Variants in UBE3A observed in about 807,000 individuals in gnomAD.
UBE3A encodes the protein ubiquitin protein ligase E3A.
UBE3A carries 6 observed loss-of-function variants against 83.4 expected under a neutral mutation model. The observed-to-expected ratio is 0.07, with a 90% confidence interval of 0.04 to 0.14. The LOEUF is 0.14. Ranked by LOEUF, UBE3A falls within the 10% of genes least tolerant of loss-of-function variation. The pLI is 1.00. For synonymous variants in UBE3A, 337 were observed against 355.4 expected, an observed-to-expected ratio of 0.95 and a Z score of 0.58; for missense variants, 456 against 1,036.1, an observed-to-expected ratio of 0.44 and a Z score of 7.69.
intron 4 of UBE3A, among the ~76,000 whole-genome samples, chr15:25,376,280 A>T (rs2081204560): frequency 6.6e-6 from 1 of 152,234 alleles, no homozygotes; most frequent in South Asian, 2.1e-4. Flanking sequence ...TTTCCCAATT[A>T]TCAACAACAT....
intron 1 of UBE3A, among the ~76,000 whole-genome samples, chr15:25,421,170 C>T (rs142138895): frequency 5.9e-5 from 9 of 152,226 alleles, no homozygotes; most frequent in African/African-American, 9.6e-5. Flanking sequence ...AGAGTGAGTT[C>T]GCAGATGTGG....
At chr15:25,369,274 T>A (rs994916440) in intron 6 of UBE3A, among the ~76,000 whole-genome samples, 1 of 151,756 alleles carries the variant, frequency 6.6e-6, no homozygotes, top group African/African-American at 2.4e-5. Flanking sequence ...AGCCCCCTTT[T>A]GTCTCTGCTA....
chr15:25,367,231 G>T (rs1304347127), intron 6 of UBE3A, among the ~76,000 whole-genome samples: 1 of 75,088 alleles, frequency 1.3e-5, no homozygotes, highest in Admixed American at 1.1e-4. Context: ...TTACATATTT[G>T]TAAATATGTA....
At chr15:25,426,827 A>ATT (rs35386735) in intron 1 of UBE3A, among the ~76,000 whole-genome samples, 13 of 147,478 alleles carry the variant, frequency 8.8e-5, no homozygotes, top group Middle Eastern at 3.4e-3. Flanking sequence ...GCTGGTTATA[A>ATT]TTTTTTTTTT....
intron 1 of UBE3A, among the ~76,000 whole-genome samples, chr15:25,423,635 C>T (rs1890464956): frequency 6.6e-6 from 1 of 152,050 alleles, no homozygotes; most frequent in South Asian, 2.1e-4. Flanking sequence ...TTCATTAAGG[C>T]CTAATTTATT....
At chr15:25,339,540 ATCTT>A in intron 12 of UBE3A, 1 of 305,778 alleles carries the variant, frequency 3.3e-6, no homozygotes, top group Admixed American at 4.7e-5. Flanking sequence ...ATTTAACTAA[ATCTT>A]TCCACAACAA....
intron 11 of UBE3A, among the ~76,000 whole-genome samples, chr15:25,352,479 G>T (rs1302313561): frequency 1.3e-5 from 2 of 152,178 alleles, no homozygotes; most frequent in African/African-American, 4.8e-5. Context: ...TTATACTGTA[G>T]TCAAGTGTGT....
intron 4 of UBE3A, among the ~76,000 whole-genome samples, chr15:25,380,078 T>A (rs1236242901): frequency 6.6e-6 from 1 of 152,078 alleles, no homozygotes; most frequent in Non-Finnish European, 1.5e-5. Context: ...ATGCTGTTCT[T>A]GTGGTAGTAA....
intron 1 of UBE3A, among the ~76,000 whole-genome samples, chr15:25,424,260 G>T (rs958396638): frequency 1.3e-5 from 2 of 151,986 alleles, no homozygotes; most frequent in African/African-American, 2.4e-5. Context: ...TCTCACTTTG[G>T]GGTTTCCCTA....
chr15:25,373,988 A>G (rs2080759668), intron 5 of UBE3A: 1 of 152,212 alleles, frequency 6.6e-6, no homozygotes, highest in East Asian at 1.9e-4. Flanking sequence ...TCCTACGCAA[A>G]AACAGTTTGG....
Position 25,336,556 on chromosome 15 carries a change from T to C in UBE3A, c.*2581A>G, listed in dbSNP as rs1195697135. The C allele has an allele frequency of 8.5e-6, 1 of 118,232 alleles. No individual in the cohort carries two copies. Among genetic ancestry groups the C allele is most frequent in the Non-Finnish European group, 1.8e-5 (1 of 56,620 alleles). 7.3% of individuals were successfully genotyped at this position (118,232 alleles called of 1,614,324 possible). On this transcript the variant is annotated 3_prime_UTR_variant, in exon 13 of 13. Transcript: ENST00000648336. Reference sequence around the variant, plus strand: ...CTTTTTCAAGTTTCTTTTTGATATGTATCTATCTATCTATCATCTCCCTAT... The same window carrying C: ...CTTTTTCAAGTTTCTTTTTGATATGCATCTATCTATCTATCATCTCCCTAT...
chr15:25,393,529 A>G (rs994423987), intron 4 of UBE3A, among the ~76,000 whole-genome samples: 4 of 152,182 alleles, frequency 2.6e-5, no homozygotes, highest in African/African-American at 9.6e-5. Context: ...AAGAAGTTCT[A>G]TGTACTAAAG....
intron 1 of UBE3A, chr15:25,415,958 T>C (rs924351310): frequency 6.6e-6 from 1 of 150,686 alleles, no homozygotes; most frequent in Non-Finnish European, 1.5e-5. Flanking sequence ...AACACAAATA[T>C]AAGTAAATGC....
rs925375983 is a variant in UBE3A, at chr15:25,336,417, T to G, written c.*2720A>C. The G allele has an allele frequency of 6.6e-6, 1 of 152,334 alleles. No individual in the cohort carries two copies. Among genetic ancestry groups the G allele is most frequent in the Middle Eastern group, 3.4e-3 (1 of 294 alleles). The allele number at this position is 152,334 out of a possible 1,614,324, so 9.4% of individuals were successfully genotyped here. ...CTCGAAGGGGCCTGAAATCTCAGAA[T>G]GGTCATGTTTTTAATGGGAATAGGG... On this transcript the variant is annotated 3_prime_UTR_variant, in exon 13 of 13. Transcript: ENST00000648336.
intron 4 of UBE3A, among the ~76,000 whole-genome samples, chr15:25,383,908 C>T (rs1445273049): frequency 1.3e-5 from 2 of 151,978 alleles, no homozygotes; most frequent in Non-Finnish European, 2.9e-5. Flanking sequence ...AAAATTACTT[C>T]TGTTAGCAAA....
intron 4 of UBE3A, among the ~76,000 whole-genome samples, chr15:25,390,080 ATT>A (rs2083993993): frequency 6.6e-6 from 1 of 152,186 alleles, no homozygotes; most frequent in Non-Finnish European, 1.5e-5. Flanking sequence ...AGAAACACAA[ATT>A]AAAATTATAA....
chr15:25,362,779 C>T (rs2078334336), intron 6 of UBE3A, among the ~76,000 whole-genome samples: 1 of 152,132 alleles, frequency 6.6e-6, no homozygotes, highest in African/African-American at 2.4e-5. Context: ...GTAATCCATT[C>T]TGAGTTTCCT....
At chr15:25,434,739 T>C (rs765724247) in intron 1 of UBE3A, among the ~76,000 whole-genome samples, 10 of 152,134 alleles carry the variant, frequency 6.6e-5, no homozygotes, top group Non-Finnish European at 1.5e-4. Flanking sequence ...ACTAGAGACA[T>C]GGACTCTGGT....
chr15:25,339,566 G>C (rs2074382872), intron 12 of UBE3A: 1 of 287,690 alleles, frequency 3.5e-6, no homozygotes, highest in Admixed American at 4.9e-5. Context: ...ACCACAGAGA[G>C]GACATCAGTA....
Sources: allele counts gnomAD v4.1 joint callset (sites outside exome capture counted in the v4.1 genomes callset), GRCh38; gene constraint gnomAD v4.1.1; transcripts MANE v1.5; gene names NCBI Gene and HGNC (gene_info 2026-07-23, HGNC 2026-07-21).